Variants in MYH14 observed in about 807,000 individuals in gnomAD.
MYH14 encodes myosin-14.
In MYH14, 123 loss-of-function variants were observed where a neutral mutation model predicts 255.5. That is an observed-to-expected ratio of 0.48 (90% CI 0.42 to 0.56). MYH14 has a LOEUF of 0.56. Among genes scored for constraint, MYH14 ranks in the 20% least tolerant of loss-of-function variants. The pLI is 0.00. For missense variants in MYH14, 2,423 were observed against 2,802.3 expected, an observed-to-expected ratio of 0.86 and a Z score of 3.06; for synonymous variants, 1,095 against 1,161.2, an observed-to-expected ratio of 0.94 and a Z score of 1.16.
At chr19:50,235,339 G>C (rs894061817) in intron 10 of MYH14, among the ~76,000 whole-genome samples, 1 of 150,530 alleles carries the variant, frequency 6.6e-6, no homozygotes, top group South Asian at 2.1e-4. Flanking sequence ...GCTTGGAGCA[G>C]AGCGAGACTC....
At chr19:50,232,659 G>A (rs2033464781) in intron 10 of MYH14, among the ~76,000 whole-genome samples, 1 of 151,710 alleles carries the variant, frequency 6.6e-6, no homozygotes, top group Non-Finnish European at 1.5e-5. Context: ...GGGGAGGGAG[G>A]GGCACAGCTT....
chr19:50,306,502 C>T (rs1372364871), intron 40 of MYH14, among the ~76,000 whole-genome samples: 7 of 152,066 alleles, frequency 4.6e-5, no homozygotes, highest in East Asian at 1.9e-4. Flanking sequence ...TGTTCCCTCC[C>T]GCTCTGAAGA....
At position 50,252,693 on chromosome 19, in the gene MYH14, A is replaced by G. The variant is rs766025774; in HGVS notation, c.1885A>G (p.Asn629Asp). 5.0e-6 allele frequency: 8 copies of G among 1,601,820 alleles called. No individual in the cohort carries two copies. Among genetic ancestry groups the G allele is most frequent in the Non-Finnish European group, 6.8e-6 (8 of 1,174,574 alleles). Reference protein sequence around the residue: ...LMKNMDPLNDNVAALLHQSTD... With the variant: ...LMKNMDPLNDDVAALLHQSTD... ...GAAAAACATGGACCCTCTGAATGAC[A>G]ACGTCGCAGCCTTGCTCCACCAGAG... is the stretch of plus-strand genomic sequence containing the variant. The change falls in exon 16 of 43, where the codon AAC becomes GAC. Residue 629 changes from asparagine to aspartate, a missense_variant. Coordinates refer to ENST00000642316, the MANE Select transcript of MYH14 (RefSeq NM_001145809.2). This position sits in a 1 kb window ranked among gnomAD's most constrained non-coding sequence, Gnocchi z 4.2.
intron 1 of MYH14, 39 bp from the exon 2 acceptor site, chr19:50,210,324 G>C: frequency 6.5e-7 from 1 of 1,530,974 alleles, no homozygotes; most frequent in Non-Finnish European, 8.8e-7. Context: ...GGGGGACGGA[G>C]CCCCATCTGA....
intron 40 of MYH14, 25 bp from the exon 41 acceptor site, chr19:50,307,024 G>A (rs2036674599): frequency 6.6e-7 from 1 of 1,513,846 alleles, no homozygotes; most frequent in East Asian, 2.5e-5. Flanking sequence ...CCTCTACTGA[G>A]ACTCCTCCTC....
Position 50,280,502 on chromosome 19 carries a change from C to A in MYH14, c.4290+119C>A. 8 of 1,099,050 alleles carry A rather than the reference C, an allele frequency of 7.3e-6. No individual in the cohort carries two copies. Among genetic ancestry groups the A allele is most frequent in the Admixed American group, 2.9e-5 (1 of 34,906 alleles). 68.1% of individuals were successfully genotyped at this position (1,099,050 alleles called of 1,614,324 possible). On this transcript the variant is annotated intron_variant, in intron 32 of 42. Transcript: ENST00000642316. The surrounding 1 kb of genome is among the most constrained non-coding windows in gnomAD (Gnocchi z 4.8). ...TTCTCATAGGCCAGACCCATGGGTGCCTTTCTCATCTCTGACTCCCCCTTA... is the reference window on the plus strand; with the variant it reads ...TTCTCATAGGCCAGACCCATGGGTGACTTTCTCATCTCTGACTCCCCCTTA...
chr19:50,239,847 C>A (rs538686354), intron 10 of MYH14, among the ~76,000 whole-genome samples: 61 of 152,100 alleles, frequency 4.0e-4, no homozygotes, highest in Admixed American at 9.8e-4. Flanking sequence ...CCGCGCCCGG[C>A]CACACACACC....
chr19:50,290,460 T>G (rs924869455), intron 35 of MYH14, among the ~76,000 whole-genome samples: 4 of 152,106 alleles, frequency 2.6e-5, no homozygotes, highest in African/African-American at 7.2e-5. Flanking sequence ...GGCAACAGAC[T>G]TGGGGTGGAG....
intron 40 of MYH14, among the ~76,000 whole-genome samples, chr19:50,303,637 AG>A (rs1197795920): frequency 6.6e-6 from 1 of 152,214 alleles, no homozygotes; most frequent in Admixed American, 6.5e-5. Context: ...GTATCAGTCT[AG>A]CACAAAGAGG....
chr19:50,248,985 A>C lies in MYH14; in HGVS notation c.1330-2A>C. ...GCCCTTACCATGAGCCCTGTCCCAC[A>C]GGCTGACTTCGCGCTGGAGGCCCTG... is the stretch of plus-strand genomic sequence containing the variant. On this transcript the variant is annotated splice_acceptor_variant, in intron 12 of 42. Transcript: ENST00000642316. LOFTEE classifies it high-confidence loss of function. 1 of 1,613,412 alleles carries C rather than the reference A, an allele frequency of 6.2e-7. No homozygotes were observed. The highest frequency in any genetic ancestry group is 8.5e-7 in the Non-Finnish European group (1 of 1,179,794).
chr19:50,227,038 C>A, intron 8 of MYH14, 72 bp downstream of exon 8: 1 of 1,479,938 alleles, frequency 6.8e-7, no homozygotes, highest in Non-Finnish European at 9.4e-7. Context: ...GTATGGAAAG[C>A]ACCTCCCACT....
intron 10 of MYH14, among the ~76,000 whole-genome samples, chr19:50,241,475 C>G (rs538402989): frequency 2.0e-5 from 3 of 151,954 alleles, no homozygotes; most frequent in African/African-American, 7.3e-5. Context: ...CAAACACAAA[C>G]ACAGCCTCAC....
In MYH14 at chr19:50,263,435, G is replaced by A. The variant is rs373564756; in HGVS notation, c.2694+15G>A. The A allele has an allele frequency of 1.4e-5, 22 of 1,573,710 alleles. No homozygotes were observed. The highest frequency in any genetic ancestry group is 1.1e-4 in the African/African-American group (8 of 73,876). On this transcript the variant is annotated intron_variant, in intron 22 of 42. Coordinates refer to ENST00000642316, the MANE Select transcript of MYH14 (RefSeq NM_001145809.2). ...TGTTTACCAAGGTGAGGGCAGCCTG[G>A]GGAGGTGGCCCCAGTAGGGAGAGGA...
At chr19:50,206,424 G>T (rs1354981711) in intron 1 of MYH14, among the ~76,000 whole-genome samples, 1 of 150,356 alleles carries the variant, frequency 6.7e-6, no homozygotes, top group Non-Finnish European at 1.5e-5. Context: ...GGGGTGGGGT[G>T]GGTGGGGGTG....
Position 50,278,105 on chromosome 19 carries a change from C to G in MYH14, c.3848C>G (p.Thr1283Ser). Reference sequence around the variant, plus strand: ...CAGGGCAAAGGTGCATGGGAGAAGACCCGGCTGGCCCTGGAGGCCGAGGTG... The same window carrying G: ...CAGGGCAAAGGTGCATGGGAGAAGAGCCGGCTGGCCCTGGAGGCCGAGGTG... ...ARRGKGAWEK[T>S]RLALEAEVSE... The change falls in exon 30 of 43, where the codon ACC becomes AGC. Residue 1283 changes from threonine to serine, a missense_variant. Physicochemically the swap from Thr to Ser is moderately conservative, Grantham distance 58 (BLOSUM62 1). Around this residue, in one of 3 missense-constraint regions of MYH14, gnomAD observed 1,513 missense variants for 1,674.8 expected, o/e 0.90. Coordinates refer to ENST00000642316, the MANE Select transcript of MYH14 (RefSeq NM_001145809.2). 5 of 1,592,042 alleles carry G rather than the reference C, an allele frequency of 3.1e-6. No individual in the cohort carries two copies. The highest frequency in any genetic ancestry group is 4.3e-6 in the Non-Finnish European group (5 of 1,164,542).
chr19:50,301,212 A>G lies in MYH14; in HGVS notation c.5470-449A>G, dbSNP rs371883293. On this transcript the variant is annotated intron_variant, in intron 39 of 42. Coordinates refer to ENST00000642316, the MANE Select transcript of MYH14 (RefSeq NM_001145809.2). ...GCATATAACACCTGAGATGCCCGTTATAAGTGCAGATTCCCAGACTCCACT... is the reference window on the plus strand; with the variant it reads ...GCATATAACACCTGAGATGCCCGTTGTAAGTGCAGATTCCCAGACTCCACT... Among the ~76,000 whole-genome samples the G allele has an allele frequency of 1.8e-4, 28 of 152,324 alleles. No homozygotes were observed. In the East Asian group the frequency reaches 4.4e-3, roughly 24 times the overall value.
At chr19:50,302,007 G>T (rs1465988303) in intron 40 of MYH14, 138 bp downstream of exon 40, 1 of 737,846 alleles carries the variant, frequency 1.4e-6, no homozygotes, top group Non-Finnish European at 2.2e-6. Context: ...GCCTGGCATG[G>T]TGGCTCACGC....
intron 10 of MYH14, among the ~76,000 whole-genome samples, chr19:50,239,884 G>C (rs1486054711): frequency 6.6e-6 from 1 of 152,160 alleles, no homozygotes; most frequent in African/African-American, 2.4e-5. Flanking sequence ...TTGTGTAGAA[G>C]TACAGTATAC....
intron 39 of MYH14, among the ~76,000 whole-genome samples, chr19:50,297,896 T>A (rs1191310370): frequency 6.6e-6 from 1 of 152,132 alleles, no homozygotes; most frequent in Non-Finnish European, 1.5e-5. Context: ...GCAAAGATCC[T>A]ATTTCCAACT....
Sources: allele counts gnomAD v4.1 joint callset (sites outside exome capture counted in the v4.1 genomes callset), GRCh38; gene constraint gnomAD v4.1.1; regional missense constraint gnomAD v4.1.1; non-coding constraint Gnocchi (gnomAD v3.1); transcripts MANE v1.5; gene names NCBI Gene and HGNC (gene_info 2026-07-23, HGNC 2026-07-21).